PTPRG: variants seen among roughly 807,000 people sequenced by gnomAD.
PTPRG encodes receptor-type tyrosine-protein phosphatase gamma.
PTPRG carries 102 observed loss-of-function variants against 165.3 expected under a neutral mutation model. The observed-to-expected ratio is 0.62, with a 90% confidence interval of 0.53 to 0.73. PTPRG has a LOEUF of 0.73. Among genes scored for constraint, PTPRG ranks in the 30% least tolerant of loss-of-function variants. The pLI, the probability that PTPRG is intolerant of heterozygous loss-of-function variation, is 0.00. For synonymous variants in PTPRG, 675 were observed against 669.5 expected, an observed-to-expected ratio of 1.01 and a Z score of -0.13; for missense variants, 1,866 against 1,861.4, an observed-to-expected ratio of 1.00 and a Z score of -0.05.
intron 1 of PTPRG, among the ~76,000 whole-genome samples, chr3:61,601,704 C>T (rs1423810476): frequency 6.6e-6 from 1 of 152,046 alleles, no homozygotes; most frequent in Non-Finnish European, 1.5e-5. Flanking sequence ...TAATATCAGC[C>T]TTTATGGAGC....
At chr3:61,596,478 G>A (rs1047233790) in intron 1 of PTPRG, among the ~76,000 whole-genome samples, 5 of 152,118 alleles carry the variant, frequency 3.3e-5, no homozygotes, top group African/African-American at 1.2e-4. Flanking sequence ...TATGAAACAC[G>A]TAGCATGACC....
intron 2 of PTPRG, among the ~76,000 whole-genome samples, chr3:61,942,030 G>A (rs916768051): frequency 5.0e-4 from 76 of 151,894 alleles, no homozygotes; most frequent in African/African-American, 1.8e-3. Context: ...CGCGGTGGCA[G>A]GCATCATAAT....
chr3:62,097,390 G>C (rs1044307973), intron 5 of PTPRG, among the ~76,000 whole-genome samples: 4 of 152,140 alleles, frequency 2.6e-5, no homozygotes, highest in Non-Finnish European at 1.5e-5. Context: ...CAACAGCACC[G>C]AGTGTTCTCT....
intron 1 of PTPRG, among the ~76,000 whole-genome samples, chr3:61,563,446 C>T (rs1485747732): frequency 1.3e-5 from 2 of 152,160 alleles, no homozygotes; most frequent in African/African-American, 2.4e-5. Context: ...CCTCCCTCTC[C>T]TCTCTTGCAG....
rs1037838073 is a variant in PTPRG at position 62,240,782 on chromosome 3, T to G, written c.2376-3025T>G. On this transcript the variant is annotated intron_variant, in intron 14 of 29. Coordinates refer to ENST00000474889, the MANE Select transcript of PTPRG (RefSeq NM_002841.4). The surrounding 1 kb of genome is among the most constrained non-coding windows in gnomAD (Gnocchi z 5.1). ...CAGAGTTTTACAGGGTTAGACCTCC[T>G]TAATCAGGCCTCAGCTCAAATGCCA... Among the ~76,000 whole-genome samples the G allele has an allele frequency of 6.6e-6, 1 of 152,198 alleles. No individual in the cohort carries two copies. The highest frequency in any genetic ancestry group is 6.5e-5 in the Admixed American group (1 of 15,276).
intron 2 of PTPRG, among the ~76,000 whole-genome samples, chr3:61,885,893 T>C (rs2038023111): frequency 6.7e-6 from 1 of 150,068 alleles, no homozygotes; most frequent in African/African-American, 2.5e-5. Context: ...AATACAGAGC[T>C]GGGGTAGGTA....
intron 2 of PTPRG, among the ~76,000 whole-genome samples, chr3:61,953,111 T>G (rs1316786922): frequency 6.6e-6 from 1 of 152,174 alleles, no homozygotes; most frequent in African/African-American, 2.4e-5. Flanking sequence ...CAATTTTCCC[T>G]ACACCTACTG....
At chr3:62,092,466 G>C (rs1209090603) in intron 5 of PTPRG, among the ~76,000 whole-genome samples, 2 of 125,782 alleles carry the variant, frequency 1.6e-5, no homozygotes, top group African/African-American at 6.3e-5. Context: ...AAAAGAAAAA[G>C]ACAAGGACCT....
intron 29 of PTPRG, 117 bp from the exon 30 acceptor site, chr3:62,293,044 T>A: frequency 1.2e-6 from 1 of 850,332 alleles, no homozygotes; most frequent in South Asian, 2.3e-5. Flanking sequence ...ATAACATTTA[T>A]GCTATTGCTG....
chr3:61,768,936 C>G (rs1002723111), intron 2 of PTPRG, among the ~76,000 whole-genome samples: 6 of 152,044 alleles, frequency 3.9e-5, no homozygotes, highest in Admixed American at 3.9e-4. Flanking sequence ...AAGATGAGTT[C>G]CACATGATTC....
At chr3:62,000,581 C>T (rs2041149493) in intron 3 of PTPRG, among the ~76,000 whole-genome samples, 1 of 152,162 alleles carries the variant, frequency 6.6e-6, no homozygotes, top group African/African-American at 2.4e-5. Context: ...TTCTCACTTG[C>T]CTGCTCTTCA....
intron 2 of PTPRG, among the ~76,000 whole-genome samples, chr3:61,943,342 A>C (rs952776252): frequency 1.6e-4 from 25 of 152,268 alleles, no homozygotes; most frequent in Non-Finnish European, 2.2e-4. Flanking sequence ...TAATCCTAGC[A>C]CTTTGGGAGG....
At chr3:61,788,690 G>A (rs1321480756) in intron 2 of PTPRG, among the ~76,000 whole-genome samples, 2 of 152,180 alleles carry the variant, frequency 1.3e-5, no homozygotes, top group African/African-American at 2.4e-5. Flanking sequence ...AGATATTTTT[G>A]TCCTATAAAG....
intron 2 of PTPRG, chr3:61,769,908 C>A (rs2034155596): frequency 1.3e-5 from 2 of 152,162 alleles, no homozygotes. Flanking sequence ...GAGTCAGGGG[C>A]AGACTCCTTT....
chr3:62,106,416 A>G (rs1011922525), intron 5 of PTPRG, among the ~76,000 whole-genome samples: 4 of 152,094 alleles, frequency 2.6e-5, no homozygotes, highest in Non-Finnish European at 4.4e-5. Context: ...TCCAACAGCT[A>G]AATGTTGTCT....
intron 2 of PTPRG, among the ~76,000 whole-genome samples, chr3:61,983,663 C>A (rs2040691521): frequency 6.6e-6 from 1 of 152,084 alleles, no homozygotes; most frequent in African/African-American, 2.4e-5. Flanking sequence ...GAACATGAAT[C>A]ATATATAGGT....
At chr3:61,708,487 T>C (rs1188693516) in intron 1 of PTPRG, among the ~76,000 whole-genome samples, 2 of 132,356 alleles carry the variant, frequency 1.5e-5, no homozygotes, top group East Asian at 2.6e-4. Context: ...AGAGTCTCGC[T>C]CTCTTGCTCT....
chr3:62,195,982 G>C lies in PTPRG; in HGVS notation c.1327+812G>C, dbSNP rs985961881. 6.6e-6 allele frequency among the ~76,000 whole-genome samples: 1 copy of C among 151,740 alleles called. No homozygotes were observed. The highest frequency in any genetic ancestry group is 1.5e-5 in the Non-Finnish European group (1 of 67,916). ...TTTTGTATTTTTACTAGAGACGGGG[G>C]TTTCACCATGTTGGCCAGGCTGGTC... On this transcript the variant is annotated intron_variant, in intron 10 of 29. Coordinates refer to ENST00000474889, the MANE Select transcript of PTPRG (RefSeq NM_002841.4). This position sits in a 1 kb window ranked among gnomAD's most constrained non-coding sequence, Gnocchi z 4.4.
chr3:61,994,629 C>T (rs1212109596), intron 3 of PTPRG, among the ~76,000 whole-genome samples: 1 of 152,204 alleles, frequency 6.6e-6, no homozygotes, highest in African/African-American at 2.4e-5. Context: ...GACACTGTTG[C>T]ATTGAGTTTA....
Sources: gnomAD v4.1 joint callset for allele counts (sites outside exome capture counted in the v4.1 genomes callset) on GRCh38, gnomAD v4.1.1 for gene constraint, Gnocchi (gnomAD v3.1) non-coding constraint, MANE v1.5 for transcripts, NCBI Gene and HGNC (gene_info 2026-07-23, HGNC 2026-07-21) for gene names.